The following PLCB1 variants were observed in gnomAD, a reference collection of about 807,000 sequenced individuals.
The protein encoded by PLCB1 is phospholipase C beta 1, also known as 1-phosphatidylinositol 4,5-bisphosphate phosphodiesterase beta-1.
A neutral mutation model predicts 161.8 loss-of-function variants in PLCB1; 46 were observed. The ratio of observed to expected loss-of-function variants is 0.28; its 90% CI spans 0.22 to 0.36. PLCB1 has a LOEUF of 0.36. PLCB1 is among the 10% of genes least tolerant of loss of function. The pLI, the probability that PLCB1 is intolerant of heterozygous loss-of-function variation, is 1.00. For synonymous variants in PLCB1, 517 were observed against 503.7 expected, an observed-to-expected ratio of 1.03 and a Z score of -0.35; for missense variants, 1,016 against 1,472.5, an observed-to-expected ratio of 0.69 and a Z score of 5.07.
intron 3 of PLCB1, among the ~76,000 whole-genome samples, chr20:8,571,306 A>G (rs1986505471): frequency 6.6e-6 from 1 of 151,948 alleles, no homozygotes; most frequent in Admixed American, 6.6e-5. Flanking sequence ...ACATGGTGAC[A>G]CTCCATCTCT....
At chr20:8,229,885 A>AAAT (rs1979916360) in intron 2 of PLCB1, among the ~76,000 whole-genome samples, 1 of 39,666 alleles carries the variant, frequency 2.5e-5, no homozygotes. Context: ...AAATAAAATA[A>AAAT]AAATAAAATA....
chr20:8,189,329 A>G (rs1307179885), intron 2 of PLCB1, among the ~76,000 whole-genome samples: 3 of 128,570 alleles, frequency 2.3e-5, no homozygotes, highest in Admixed American at 1.4e-4. Flanking sequence ...ATTTTAATAT[A>G]TATATATATA....
intron 31 of PLCB1, among the ~76,000 whole-genome samples, chr20:8,840,918 G>T (rs1986479145): frequency 6.6e-6 from 1 of 152,162 alleles, no homozygotes; most frequent in South Asian, 2.1e-4. Context: ...CTGGGTTCAA[G>T]TGATTCTCCT....
chr20:8,455,561 C>T (rs1239916665), intron 3 of PLCB1, among the ~76,000 whole-genome samples: 2 of 150,902 alleles, frequency 1.3e-5, no homozygotes, highest in Non-Finnish European at 3.0e-5. Flanking sequence ...CTGCCTCAGC[C>T]TCCCGAGTAG....
In PLCB1 at chr20:8,444,295, T is replaced by C. The variant is rs191973644; in HGVS notation, c.246+72845T>C. On this transcript the variant is annotated intron_variant, in intron 3 of 31. Coordinates refer to ENST00000338037, the MANE Select transcript of PLCB1 (RefSeq NM_015192.4). Reference sequence around the variant, plus strand: ...ATGAGTGAGAACATGCAGTGTTTGGTTTTTTGTCCTTGCGATAGTTTGCTG... The same window carrying C: ...ATGAGTGAGAACATGCAGTGTTTGGCTTTTTGTCCTTGCGATAGTTTGCTG... Among the ~76,000 whole-genome samples, 826 of 151,840 alleles carry C rather than the reference T, an allele frequency of 5.4e-3. 7 individuals are homozygous for C. Among genetic ancestry groups the C allele is most frequent in the African/African-American group, 0.019 (777 of 41,386 alleles).
At chr20:8,601,356 G>A (rs1318822357) in intron 3 of PLCB1, among the ~76,000 whole-genome samples, 1 of 152,000 alleles carries the variant, frequency 6.6e-6, no homozygotes, top group East Asian at 1.9e-4. Context: ...TATTTTTCTT[G>A]ATCCTCTTTC....
intron 2 of PLCB1, among the ~76,000 whole-genome samples, chr20:8,296,951 C>CTTTGTA (rs1259808425): frequency 2.6e-5 from 4 of 152,102 alleles, no homozygotes; most frequent in Admixed American, 2.6e-4. Context: ...GTATTTTCTA[C>CTTTGTA]TCAGTCGCAG....
intron 2 of PLCB1, among the ~76,000 whole-genome samples, chr20:8,196,310 A>G (rs1210596266): frequency 6.6e-6 from 1 of 152,132 alleles, no homozygotes; most frequent in Non-Finnish European, 1.5e-5. Flanking sequence ...TGGCTCTTTG[A>G]CCAATTTGCC....
chr20:8,752,887 C>T (rs1981554136), intron 23 of PLCB1, among the ~76,000 whole-genome samples: 1 of 152,034 alleles, frequency 6.6e-6, no homozygotes, highest in Non-Finnish European at 1.5e-5. Context: ...CTCAGGCATC[C>T]CAACCAGTAC....
chr20:8,318,581 A>G (rs1177110946), intron 2 of PLCB1, among the ~76,000 whole-genome samples: 1 of 152,196 alleles, frequency 6.6e-6, no homozygotes, highest in Non-Finnish European at 1.5e-5. Flanking sequence ...TTCCACATAG[A>G]AGATGCACGG....
At chr20:8,576,108 A>G (rs1986665337) in intron 3 of PLCB1, among the ~76,000 whole-genome samples, 1 of 152,204 alleles carries the variant, frequency 6.6e-6, no homozygotes, top group Admixed American at 6.5e-5. Flanking sequence ...TCTGTTTTAA[A>G]TTTGTAAATT....
chr20:8,310,823 G>A (rs1222134729), intron 2 of PLCB1, among the ~76,000 whole-genome samples: 1 of 152,068 alleles, frequency 6.6e-6, no homozygotes, highest in Non-Finnish European at 1.5e-5. Flanking sequence ...ATGTGATATT[G>A]GTTTTCTGGC....
chr20:8,870,468 T>TTC (rs1568631619), intron 31 of PLCB1, among the ~76,000 whole-genome samples: 1 of 152,230 alleles, frequency 6.6e-6, no homozygotes. Context: ...TGGACTATGT[T>TTC]AGGAGTTTTC....
intron 2 of PLCB1, among the ~76,000 whole-genome samples, chr20:8,295,461 G>A (rs1983584647): frequency 6.6e-6 from 1 of 152,044 alleles, no homozygotes; most frequent in South Asian, 2.1e-4. Context: ...AATTATGAGA[G>A]TTTCCAGGGC....
At chr20:8,843,197 G>A (rs1016942112) in intron 31 of PLCB1, among the ~76,000 whole-genome samples, 5 of 152,166 alleles carry the variant, frequency 3.3e-5, no homozygotes, top group African/African-American at 4.8e-5. Flanking sequence ...GGTTGAAAAT[G>A]AGTATTTGAA....
At chr20:8,629,883 CTCTTTCT>C (rs1366992290) in intron 4 of PLCB1, among the ~76,000 whole-genome samples, 24 of 116,902 alleles carry the variant, frequency 2.1e-4, no homozygotes, top group African/African-American at 7.8e-4. Context: ...CTTTCTCTCT[CTCTTTCT>C]TTTCTTTCTT....
intron 25 of PLCB1, among the ~76,000 whole-genome samples, chr20:8,763,872 T>TA (rs913516588): frequency 3.3e-5 from 5 of 150,946 alleles, no homozygotes; most frequent in African/African-American, 9.7e-5. Flanking sequence ...CAGCATGGGA[T>TA]AAAAAAATCA....
At chr20:8,535,981 T>G (rs1428877724) in intron 3 of PLCB1, among the ~76,000 whole-genome samples, 1 of 151,762 alleles carries the variant, frequency 6.6e-6, no homozygotes, top group African/African-American at 2.4e-5. Context: ...TAATTTTATT[T>G]TAATATAATA....
chr20:8,708,252 T>G (rs183775094), intron 11 of PLCB1, among the ~76,000 whole-genome samples: 1 of 152,294 alleles, frequency 6.6e-6, no homozygotes, highest in Admixed American at 6.5e-5. Context: ...AAAACTAAGC[T>G]ACATAAATAC....
Sources: gnomAD v4.1 joint callset for allele counts (sites outside exome capture counted in the v4.1 genomes callset) on GRCh38, gnomAD v4.1.1 for gene constraint, MANE v1.5 for transcripts, NCBI Gene and HGNC (gene_info 2026-07-23, HGNC 2026-07-21) for gene names.